Variants in TBC1D9 observed in about 807,000 individuals in gnomAD.
TBC1D9 encodes the protein TBC1 domain family member 9A.
Under a neutral mutation model 132.0 loss-of-function variants are expected in TBC1D9, and 63 were observed. That is an observed-to-expected ratio of 0.48 (90% CI 0.39 to 0.59). The LOEUF (loss-of-function observed/expected upper bound fraction) is 0.59. Among genes scored for constraint, TBC1D9 ranks in the 20% least tolerant of loss-of-function variants. The pLI, the probability that TBC1D9 is intolerant of heterozygous loss-of-function variation, is 0.00. For synonymous variants in TBC1D9, 610 were observed against 609.9 expected (o/e 1.00, Z 0.00); for missense variants, 1,261 against 1,592.7 (o/e 0.79, Z 3.54).
intron 1 of TBC1D9, among the ~76,000 whole-genome samples, chr4:140,750,200 G>A (rs1413521039): frequency 6.6e-6 from 1 of 151,100 alleles, no homozygotes; most frequent in African/African-American, 2.4e-5. Flanking sequence ...ACTTAACAAT[G>A]AACAAATGTT....
At chr4:140,720,333 C>T (rs1246511744) in intron 1 of TBC1D9, among the ~76,000 whole-genome samples, 5 of 152,174 alleles carry the variant, frequency 3.3e-5, no homozygotes, top group Non-Finnish European at 7.3e-5. Context: ...AAAAACCACT[C>T]TAACAACAGT....
intron 6 of TBC1D9, among the ~76,000 whole-genome samples, chr4:140,676,365 C>T (rs1186422999): frequency 6.6e-6 from 1 of 152,154 alleles, no homozygotes; most frequent in African/African-American, 2.4e-5. Flanking sequence ...ATAAAACCTA[C>T]ATTTAGGCCG....
At position 140,756,034 on chromosome 4, in the gene TBC1D9, G is replaced by T; in HGVS notation, c.12C>A (p.Asn4Lys). The T allele has an allele frequency of 3.1e-6, 5 of 1,608,174 alleles. No individual in the cohort carries two copies. Among genetic ancestry groups the T allele is most frequent in the Non-Finnish European group, 4.2e-6 (5 of 1,176,964 alleles). The part of the protein sequence containing the change: MWV[N>K]PEEVLLANAL... Reference sequence around the variant, plus strand: ...CGTTGGCCAGCAACACCTCCTCCGGGTTCACCCACATGGTCCTGGCTGCCG... The same window carrying T: ...CGTTGGCCAGCAACACCTCCTCCGGTTTCACCCACATGGTCCTGGCTGCCG... The change falls in exon 1 of 21, where the codon AAC (asparagine) becomes AAA (lysine). Residue 4 changes from asparagine (N) to lysine (K), a missense_variant. By Grantham distance (94) the Asn-to-Lys change is moderately conservative. Transcript: ENST00000442267. The surrounding 1 kb of genome is among the most constrained non-coding windows in gnomAD (Gnocchi z 5.6).
At chr4:140,671,489 T>C (rs1737534873) in intron 6 of TBC1D9, among the ~76,000 whole-genome samples, 1 of 152,172 alleles carries the variant, frequency 6.6e-6, no homozygotes, top group Admixed American at 6.6e-5. Context: ...ATGATACTGG[T>C]TCCTTTTACC....
At chr4:140,729,987 T>A (rs1049553773) in intron 1 of TBC1D9, among the ~76,000 whole-genome samples, 3 of 152,150 alleles carry the variant, frequency 2.0e-5, no homozygotes, top group South Asian at 2.1e-4. Context: ...TGTTGTGGCT[T>A]CTGCAGGGCC....
chr4:140,678,325 G>A (rs1300652016), intron 5 of TBC1D9, among the ~76,000 whole-genome samples: 12 of 152,248 alleles, frequency 7.9e-5, no homozygotes, highest in Admixed American at 3.3e-4. Flanking sequence ...CTGAGCTATC[G>A]TATCCCTTGG....
intron 13 of TBC1D9, chr4:140,643,065 C>T: frequency 1.5e-6 from 2 of 1,305,088 alleles, no homozygotes; most frequent in Non-Finnish European, 1.1e-6. Flanking sequence ...CTTGCGCATC[C>T]AGCTGTACTT....
chr4:140,698,992 G>A (rs17006363), intron 2 of TBC1D9, among the ~76,000 whole-genome samples: 3,232 of 152,226 alleles, frequency 0.021, 70 homozygotes, highest in Admixed American at 0.061. Context: ...TAGACTGTAC[G>A]TTTCTCAAGA....
chr4:140,676,375 G>A (rs1459654875), intron 6 of TBC1D9, among the ~76,000 whole-genome samples: 2 of 152,156 alleles, frequency 1.3e-5, no homozygotes, highest in African/African-American at 2.4e-5. Flanking sequence ...CATTTAGGCC[G>A]GGCACAGTGG....
At chr4:140,689,169 A>G (rs2111028175) in intron 2 of TBC1D9, among the ~76,000 whole-genome samples, 1 of 152,218 alleles carries the variant, frequency 6.6e-6, no homozygotes, top group East Asian at 1.9e-4. Context: ...TTGATCACAG[A>G]TATGCCTTGT....
At chr4:140,639,733 A>C (rs1406073960) in intron 13 of TBC1D9, among the ~76,000 whole-genome samples, 1 of 152,222 alleles carries the variant, frequency 6.6e-6, no homozygotes, top group Non-Finnish European at 1.5e-5. Context: ...TGCTTCAAAG[A>C]AAGAATCTTC....
intron 10 of TBC1D9, among the ~76,000 whole-genome samples, chr4:140,660,621 T>C (rs969586005): frequency 2.6e-5 from 4 of 152,160 alleles, no homozygotes; most frequent in Non-Finnish European, 5.9e-5. Context: ...GATAGGTTTT[T>C]TTAGGGGTCT....
chr4:140,701,375 G>T lies in TBC1D9; in HGVS notation c.241+129C>A. On this transcript the variant is annotated intron_variant, in intron 2 of 20. Transcript: ENST00000442267. Reference sequence around the variant, plus strand: ...GACTTTGGGTTCATGTGTTGAAATGGCTACGGTTAATTACCCTAAAATACC... The same window carrying T: ...GACTTTGGGTTCATGTGTTGAAATGTCTACGGTTAATTACCCTAAAATACC... 4.4e-6 allele frequency: 3 copies of T among 684,392 alleles called. No homozygotes were observed. The South Asian group carries it at 5.6e-5, about 13-fold the overall frequency. The allele number at this position is 684,392 out of a possible 1,614,324, so 42.4% of individuals were successfully genotyped here.
chr4:140,737,200 T>C (rs1738687450), intron 1 of TBC1D9, among the ~76,000 whole-genome samples: 1 of 152,114 alleles, frequency 6.6e-6, no homozygotes, highest in Non-Finnish European at 1.5e-5. Flanking sequence ...CTTGCCTTCC[T>C]GAGTACTGGA....
At chr4:140,717,941 C>A (rs149113382) in intron 1 of TBC1D9, among the ~76,000 whole-genome samples, 3 of 152,166 alleles carry the variant, frequency 2.0e-5, no homozygotes, top group South Asian at 4.2e-4. Flanking sequence ...TCTTAGGATA[C>A]CTTTTGTGCC....
At chr4:140,678,445 T>G (rs1453922126) in intron 5 of TBC1D9, among the ~76,000 whole-genome samples, 1 of 152,218 alleles carries the variant, frequency 6.6e-6, no homozygotes, top group Non-Finnish European at 1.5e-5. Context: ...ATTCAGACTT[T>G]GAGGCTTCTC....
At chr4:140,709,244 T>TCACACACACACA (rs1446149939) in intron 1 of TBC1D9, among the ~76,000 whole-genome samples, 3 of 107,346 alleles carry the variant, frequency 2.8e-5, no homozygotes, top group African/African-American at 1.3e-4. Flanking sequence ...TCTCTCTCTC[T>TCACACACACACA]CTCTCACACA....
chr4:140,639,170 G>T lies in TBC1D9; in HGVS notation c.2437-16C>A. The T allele has an allele frequency of 6.4e-7, 1 of 1,557,084 alleles. No individual in the cohort carries two copies. Among genetic ancestry groups the T allele is most frequent in the Non-Finnish European group, 8.7e-7 (1 of 1,148,104 alleles). On this transcript the variant is annotated splice_polypyrimidine_tract_variant and intron_variant, in intron 14 of 20. Coordinates refer to ENST00000442267, the MANE Select transcript of TBC1D9 (RefSeq NM_015130.3). ...TGGTTCGTACCTATAAAAATATTAA[G>T]CAAAATGAATTTCACAAACTCAAAA... is the stretch of plus-strand genomic sequence containing the variant.
intron 13 of TBC1D9, among the ~76,000 whole-genome samples, chr4:140,651,967 G>A (rs1737193244): frequency 2.0e-5 from 3 of 152,098 alleles, no homozygotes; most frequent in African/African-American, 4.8e-5. Flanking sequence ...GGTTGGGCAC[G>A]GTGGCTTAAG....
Sources: gnomAD v4.1 joint callset for allele counts (sites outside exome capture counted in the v4.1 genomes callset) on GRCh38, gnomAD v4.1.1 for gene constraint, Gnocchi (gnomAD v3.1) non-coding constraint, MANE v1.5 for transcripts, NCBI Gene and HGNC (gene_info 2026-07-23, HGNC 2026-07-21) for gene names.